The following LRRC8A variants were observed in gnomAD, a reference collection of about 807,000 sequenced individuals.
The protein encoded by LRRC8A is volume-regulated anion channel subunit LRRC8A.
In LRRC8A, 24 loss-of-function variants were observed where a neutral mutation model predicts 52.5. The ratio of observed to expected loss-of-function variants is 0.46; its 90% CI spans 0.33 to 0.64. The LOEUF is 0.64. Ranked by LOEUF, LRRC8A falls within the 30% of genes least tolerant of loss-of-function variation. The pLI is 0.02. For synonymous variants in LRRC8A, 492 were observed against 494.2 expected, an observed-to-expected ratio of 1.00 and a Z score of 0.06; for missense variants, 677 against 1,094.7, an observed-to-expected ratio of 0.62 and a Z score of 5.38.
At chr9:128,912,512 G>GT (rs1372433859) in intron 3 of LRRC8A, among the ~76,000 whole-genome samples, 1 of 137,770 alleles carries the variant, frequency 7.3e-6, no homozygotes, top group Admixed American at 7.3e-5. Flanking sequence ...TATGGGGGGG[G>GT]GTGTGGATGG....
chr9:128,882,726 T>C, intron 1 of LRRC8A: 1 of 398,890 alleles, frequency 2.5e-6, no homozygotes, highest in Non-Finnish European at 4.4e-6. Context: ...ATCGTTCCGA[T>C]GGGGGCAGTG....
intron 3 of LRRC8A, among the ~76,000 whole-genome samples, chr9:128,915,657 C>T (rs940094352): frequency 6.6e-6 from 1 of 152,204 alleles, no homozygotes; most frequent in South Asian, 2.1e-4. Flanking sequence ...TGCTGTTTTG[C>T]TTTCATAAAT....
intron 2 of LRRC8A, among the ~76,000 whole-genome samples, chr9:128,889,890 C>G (rs1407742145): frequency 6.6e-6 from 1 of 151,922 alleles, no homozygotes; most frequent in Non-Finnish European, 1.5e-5. Context: ...GCAGCCTCTG[C>G]CTCCTGGGTT....
Position 128,882,192 on chromosome 9 carries a change from G to A in LRRC8A, c.-174G>A, listed in dbSNP as rs1200185131. ...CCGGAGCAGCGCTGCGGCCGGCGGCGGGACGGAGCGGCCGGGGCCTGGGGC... is the reference window on the plus strand; with the variant it reads ...CCGGAGCAGCGCTGCGGCCGGCGGCAGGACGGAGCGGCCGGGGCCTGGGGC... On this transcript the variant is annotated 5_prime_UTR_variant, in exon 1 of 4. Coordinates refer to ENST00000372600, the MANE Select transcript of LRRC8A (RefSeq NM_019594.4). 1 of 153,048 alleles carries A rather than the reference G, an allele frequency of 6.5e-6. No individual in the cohort carries two copies. Among genetic ancestry groups the A allele is most frequent in the East Asian group, 1.9e-4 (1 of 5,196 alleles). 9.5% of individuals were successfully genotyped at this position (153,048 alleles called of 1,614,324 possible). A position where few individuals can be genotyped will look rare whatever the true frequency, so the allele number is the denominator to read the frequency against.
chr9:128,896,491 TCA>T (rs1839829500), intron 2 of LRRC8A, among the ~76,000 whole-genome samples: 1 of 152,218 alleles, frequency 6.6e-6, no homozygotes, highest in Non-Finnish European at 1.5e-5. Context: ...CTCTAAGAGT[TCA>T]CAGTTTTTGC....
At chr9:128,910,373 C>T (rs374545980) in intron 3 of LRRC8A, among the ~76,000 whole-genome samples, 6 of 152,202 alleles carry the variant, frequency 3.9e-5, no homozygotes, top group Admixed American at 1.3e-4. Context: ...ACTAGGGATG[C>T]CACCAGGTTC....
chr9:128,890,876 C>T (rs1017880402), intron 2 of LRRC8A, among the ~76,000 whole-genome samples: 3 of 152,140 alleles, frequency 2.0e-5, no homozygotes, highest in African/African-American at 4.8e-5. Flanking sequence ...GTTGGCTGGA[C>T]GTGGCGGTTC....
Position 128,909,142 on chromosome 9 carries a change from A to T in LRRC8A, c.1978A>T (p.Asn660Tyr). The T allele has an allele frequency of 6.2e-7, 1 of 1,614,092 alleles. No homozygotes were observed. The highest frequency in any genetic ancestry group is 2.2e-5 in the East Asian group (1 of 44,876). ...CGCCTACATCCCCATCCAGATCGGCAACCTCACCAACCTGGAGCGCCTCTA... is the reference window on the plus strand; with the variant it reads ...CGCCTACATCCCCATCCAGATCGGCTACCTCACCAACCTGGAGCGCCTCTA... ...HIAYIPIQIG[N>Y]LTNLERLYLN... Residue 660 changes from asparagine (N) to tyrosine (Y), a missense_variant, in exon 3 of 4, where the codon AAC becomes TAC. Around this residue, in one of 4 missense-constraint regions of LRRC8A, gnomAD observed 169 missense variants for 217.6 expected, o/e 0.78. Coordinates refer to ENST00000372600, the MANE Select transcript of LRRC8A (RefSeq NM_019594.4).
chr9:128,900,032 G>T (rs1370755019), intron 2 of LRRC8A, among the ~76,000 whole-genome samples: 4 of 152,242 alleles, frequency 2.6e-5, no homozygotes, highest in Non-Finnish European at 4.4e-5. Flanking sequence ...CTGCTCTCTT[G>T]TGGGTATCTA....
chr9:128,907,102 TC>T lies in LRRC8A; in HGVS notation c.-8-53del. 1 of 1,382,732 alleles carries T rather than the reference TC, an allele frequency of 7.2e-7. No individual in the cohort carries two copies. Among genetic ancestry groups the T allele is most frequent in the Non-Finnish European group, 1.0e-6 (1 of 1,000,324 alleles). The allele number at this position is 1,382,732 out of a possible 1,614,324, so 85.7% of individuals were successfully genotyped here. A position where few individuals can be genotyped will look rare whatever the true frequency, so the allele number is the denominator to read the frequency against. The stretch of plus-strand genomic sequence containing the variant: ...ATTGTCTTCTTCCCCTGACCCCTGG[TC>T]CTAGGAAAGCCAGGCCACCCTGTGC... On this transcript the variant is annotated intron_variant, in intron 2 of 3. Coordinates refer to ENST00000372600, the MANE Select transcript of LRRC8A (RefSeq NM_019594.4). This position sits in a 1 kb window ranked among gnomAD's most constrained non-coding sequence, Gnocchi z 9.3.
Position 128,908,980 on chromosome 9 carries a change from A to G in LRRC8A, c.1816A>G (p.Ile606Val). Residue 606 changes from isoleucine to valine, a missense_variant, in exon 3 of 4, where the codon ATC (isoleucine) becomes GTC (valine). Physicochemically the swap from Ile to Val is conservative, Grantham distance 29 (BLOSUM62 3). Coordinates refer to ENST00000372600, the MANE Select transcript of LRRC8A (RefSeq NM_019594.4). Reference protein sequence around the residue: ...LELIRCDLERIPHSIFSLHNL... With the variant: ...LELIRCDLERVPHSIFSLHNL... ...GCTGATCCGCTGTGACCTGGAGCGCATCCCCCACTCCATCTTCAGCCTCCA... is the reference window on the plus strand; with the variant it reads ...GCTGATCCGCTGTGACCTGGAGCGCGTCCCCCACTCCATCTTCAGCCTCCA... 6.2e-7 allele frequency: 1 copy of G among 1,614,106 alleles called. No individual in the cohort carries two copies. The highest frequency in any genetic ancestry group is 8.5e-7 in the Non-Finnish European group (1 of 1,180,016).
At chr9:128,906,575 G>A (rs1315861498) in intron 2 of LRRC8A, among the ~76,000 whole-genome samples, 1 of 151,938 alleles carries the variant, frequency 6.6e-6, no homozygotes, top group East Asian at 1.9e-4. Context: ...CACCCACCTC[G>A]GCCTCCCAAA....
chr9:128,913,886 A>G (rs79393463), intron 3 of LRRC8A, among the ~76,000 whole-genome samples: 5,184 of 152,292 alleles, frequency 0.034, 107 homozygotes, highest in Middle Eastern at 0.092. Flanking sequence ...TAGGATACAC[A>G]GGTTAGGAGC....
At chr9:128,910,208 T>G (rs1243167542) in intron 3 of LRRC8A, among the ~76,000 whole-genome samples, 2 of 152,170 alleles carry the variant, frequency 1.3e-5, no homozygotes, top group African/African-American at 4.8e-5. Flanking sequence ...ACCTGCAGGT[T>G]TTCCTGGGCC....
chr9:128,896,145 G>A (rs1839816243), intron 2 of LRRC8A, among the ~76,000 whole-genome samples: 1 of 152,032 alleles, frequency 6.6e-6, no homozygotes, highest in South Asian at 2.1e-4. Flanking sequence ...GGTATACTTG[G>A]GTATACACCT....
At chr9:128,906,587 T>G (rs767831241) in intron 2 of LRRC8A, among the ~76,000 whole-genome samples, 5 of 152,310 alleles carry the variant, frequency 3.3e-5, no homozygotes, top group Middle Eastern at 3.4e-3. Context: ...CCTCCCAAAG[T>G]GCTGGGATTA....
intron 3 of LRRC8A, among the ~76,000 whole-genome samples, chr9:128,909,868 T>C (rs981034800): frequency 3.9e-5 from 6 of 152,220 alleles, no homozygotes; most frequent in African/African-American, 1.2e-4. Flanking sequence ...CCACACACCT[T>C]TCTCCACTGC....
intron 2 of LRRC8A, among the ~76,000 whole-genome samples, chr9:128,903,567 T>C (rs546213624): frequency 6.6e-6 from 1 of 152,000 alleles, no homozygotes; most frequent in East Asian, 2.0e-4. Context: ...CGCCTGCCAC[T>C]ATGCCCGGCT....
chr9:128,890,167 T>TGTGC (rs2130942701), intron 2 of LRRC8A, among the ~76,000 whole-genome samples: 1 of 151,200 alleles, frequency 6.6e-6, no homozygotes, highest in South Asian at 2.1e-4. Context: ...TGTGTGTGTG[T>TGTGC]GTGCTGGGAA....
Sources: gnomAD v4.1 joint callset for allele counts (sites outside exome capture counted in the v4.1 genomes callset) on GRCh38, gnomAD v4.1.1 for gene constraint, gnomAD v4.1.1 regional missense constraint, Gnocchi (gnomAD v3.1) non-coding constraint, MANE v1.5 for transcripts, NCBI Gene and HGNC (gene_info 2026-07-23, HGNC 2026-07-21) for gene names.